The following MINPP1 variants were observed in gnomAD, a reference collection of about 807,000 sequenced individuals.
MINPP1 encodes multiple inositol polyphosphate phosphatase 1.
A neutral mutation model predicts 46.1 loss-of-function variants in MINPP1; 28 were observed. The ratio of observed to expected loss-of-function variants is 0.61; its 90% CI spans 0.45 to 0.83. The LOEUF (loss-of-function observed/expected upper bound fraction) is 0.83. Ranked by LOEUF, MINPP1 falls within the 40% of genes least tolerant of loss-of-function variation. The pLI is 0.00. For missense variants in MINPP1, 603 were observed against 610.0 expected (o/e 0.99, Z 0.12); for synonymous variants, 268 against 249.1 (o/e 1.08, Z -0.72).
intron 4 of MINPP1, among the ~76,000 whole-genome samples, chr10:87,529,301 C>T (rs1008984867): frequency 6.6e-6 from 1 of 152,144 alleles, no homozygotes; most frequent in African/African-American, 2.4e-5. Context: ...TTCTTCCTAG[C>T]CTCGATGGTC....
chr10:87,504,949 T>G lies in MINPP1; in HGVS notation c.34T>G (p.Ser12Ala), dbSNP rs747880842. The G allele has an allele frequency of 5.6e-6, 9 of 1,611,522 alleles. No individual in the cohort carries two copies. The highest frequency in any genetic ancestry group is 7.6e-6 in the Non-Finnish European group (9 of 1,179,420). Reference protein sequence around the residue: ...LRAPGCLLRTSVAPAAALAAA... With the variant: ...LRAPGCLLRTAVAPAAALAAA... ...CGCGCCCGGCTGCCTCCTCCGGACC[T>G]CCGTAGCGCCTGCCGCGGCCCTGGC... Residue 12 changes from serine to alanine, a missense_variant, in exon 1 of 5, where the codon TCC (serine) becomes GCC (alanine). Ser to Ala is a moderately conservative substitution (Grantham distance 99, BLOSUM62 1). This residue lies in a region of MINPP1 where 239 missense variants were observed against 189.4 expected (regional missense o/e 1.26). Coordinates refer to ENST00000371996, the MANE Select transcript of MINPP1 (RefSeq NM_004897.5).
intron 4 of MINPP1, among the ~76,000 whole-genome samples, chr10:87,540,333 T>C (rs571355478): frequency 6.6e-6 from 1 of 152,184 alleles, no homozygotes; most frequent in Non-Finnish European, 1.5e-5. Flanking sequence ...GCAAGAGGTT[T>C]TATATAAGAA....
Position 87,505,425 on chromosome 10 carries a change from C to T in MINPP1, c.510C>T (p.Ser170=), listed in dbSNP as rs1289961322. 1.2e-6 allele frequency: 2 copies of T among 1,613,708 alleles called. No homozygotes were observed. The highest frequency in any genetic ancestry group is 1.7e-6 in the Non-Finnish European group (2 of 1,179,834). Residue 170 remains serine, a synonymous_variant, in exon 1 of 5, where the codon AGC becomes AGT. Transcript: ENST00000371996. The surrounding 1 kb of genome is among the most constrained non-coding windows in gnomAD (Gnocchi z 4.4). ...RLASLFPALF[S]RENYGRLRLI... is the part of the protein sequence containing the mutation. The stretch of plus-strand genomic sequence containing the variant: ...CCTCGCTCTTCCCGGCCCTTTTCAG[C>T]CGTGAGAACTACGGCCGCCTGCGGC...
intron 4 of MINPP1, among the ~76,000 whole-genome samples, chr10:87,535,754 C>T (rs1851725633): frequency 6.6e-6 from 1 of 151,676 alleles, no homozygotes; most frequent in Non-Finnish European, 1.5e-5. Context: ...AGGGGTAATC[C>T]CTACCTCTAC....
intron 4 of MINPP1, among the ~76,000 whole-genome samples, chr10:87,534,587 A>G (rs914827236): frequency 5.9e-5 from 9 of 151,818 alleles, no homozygotes; most frequent in African/African-American, 1.9e-4. Flanking sequence ...TGTAAGAATC[A>G]CTCTTAAATC....
At chr10:87,520,057 A>AGTGTGTGTGTGTGT (rs141533495) in intron 3 of MINPP1, among the ~76,000 whole-genome samples, 51,027 of 147,210 alleles carry the variant, frequency 0.35, 9,975 homozygotes, top group Non-Finnish European at 0.47. Context: ...TAAAAGGTAT[A>AGTGTGTGTGTGTGT]GTGTGTGTGT....
chr10:87,517,590 A>G (rs528903824), intron 3 of MINPP1, among the ~76,000 whole-genome samples: 1 of 152,356 alleles, frequency 6.6e-6, no homozygotes, highest in South Asian at 2.1e-4. Context: ...TTTAATTTTC[A>G]TTACTGTATA....
At chr10:87,526,009 TA>T (rs1475243147) in intron 4 of MINPP1, among the ~76,000 whole-genome samples, 1 of 152,238 alleles carries the variant, frequency 6.6e-6, no homozygotes, top group Non-Finnish European at 1.5e-5. Context: ...AGTGCCGCAA[TA>T]AACATACATG....
intron 4 of MINPP1, among the ~76,000 whole-genome samples, chr10:87,522,923 A>G (rs1221968587): frequency 6.6e-6 from 1 of 152,180 alleles, no homozygotes; most frequent in African/African-American, 2.4e-5. Flanking sequence ...CACTGTCACA[A>G]TCCTTTGTTG....
rs768863610 is a variant in MINPP1 at position 87,552,090 on chromosome 10, C to G, written c.1076C>G (p.Pro359Arg). 1.1e-5 allele frequency: 17 copies of G among 1,611,542 alleles called. No homozygotes were observed. In the South Asian group the frequency reaches 1.8e-4, roughly 17 times the overall value. ...TTAATTTCTATTTGAAGGTCTCAGC[C>G]AATTTCTTCTCCAGTCATCCTCCAG... ...KAVEQKQRSQPISSPVILQFG... is the reference protein window; with the variant it reads ...KAVEQKQRSQRISSPVILQFG... The change falls in exon 5 of 5, where the codon CCA (proline) becomes CGA (arginine). Residue 359 changes from proline (P) to arginine (R), a missense_variant. Physicochemically the swap from Pro to Arg is moderately radical, Grantham distance 103 (BLOSUM62 -2). This residue lies in a region of MINPP1 where 344 missense variants were observed against 381.1 expected (regional missense o/e 0.90). Coordinates refer to ENST00000371996, the MANE Select transcript of MINPP1 (RefSeq NM_004897.5).
chr10:87,535,946 A>AAATT (rs1173223488), intron 4 of MINPP1, among the ~76,000 whole-genome samples: 2 of 152,008 alleles, frequency 1.3e-5, no homozygotes, highest in South Asian at 2.1e-4. Flanking sequence ...ATAAATAAAT[A>AAATT]AATTAAGATT....
chr10:87,522,728 A>C (rs1191823944), intron 4 of MINPP1, among the ~76,000 whole-genome samples: 2 of 152,282 alleles, frequency 1.3e-5, no homozygotes, highest in Non-Finnish European at 2.9e-5. Flanking sequence ...GTGGTTGCTG[A>C]AGGCTGGGGT....
At chr10:87,509,532 A>G (rs889795317) in intron 2 of MINPP1, among the ~76,000 whole-genome samples, 1 of 152,186 alleles carries the variant, frequency 6.6e-6, no homozygotes, top group Non-Finnish European at 1.5e-5. Context: ...TATACCCACA[A>G]CTTGGTTTTA....
At position 87,552,364 on chromosome 10, in the gene MINPP1, A is replaced by G. The variant is rs1244712155; in HGVS notation, c.1350A>G (p.Glu450=). 1 of 1,613,564 alleles carries G rather than the reference A, an allele frequency of 6.2e-7. No homozygotes were observed. Among genetic ancestry groups the G allele is most frequent in the African/African-American group, 1.3e-5 (1 of 74,902 alleles). Residue 450 remains glutamate, a synonymous_variant, in exon 5 of 5, where the codon GAA becomes GAG. Transcript: ENST00000371996. ...EKVLPLAYSQ[E]TVSFYEDLKN... is the part of the protein sequence containing the mutation. Reference sequence around the variant, plus strand: ...TGTTACCTTTGGCTTACTCACAAGAAACTGTTTCATTTTATGAAGATCTGA... The same window carrying G: ...TGTTACCTTTGGCTTACTCACAAGAGACTGTTTCATTTTATGAAGATCTGA...
At chr10:87,531,263 C>G (rs776042965) in intron 4 of MINPP1, among the ~76,000 whole-genome samples, 7 of 152,242 alleles carry the variant, frequency 4.6e-5, no homozygotes, top group Non-Finnish European at 7.3e-5. Flanking sequence ...GCAGAAATCA[C>G]CTGTCTTCTG....
chr10:87,508,653 T>A, intron 2 of MINPP1, 120 bp downstream of exon 2: 2 of 1,011,254 alleles, frequency 2.0e-6, no homozygotes, highest in African/African-American at 1.6e-5. Context: ...ATTAAGAAAA[T>A]AATATGTTCT....
intron 4 of MINPP1, among the ~76,000 whole-genome samples, chr10:87,548,482 G>A (rs1351519510): frequency 6.6e-6 from 1 of 152,122 alleles, no homozygotes; most frequent in African/African-American, 2.4e-5. Context: ...TTGCCCAGGG[G>A]CTTTTGTATG....
intron 4 of MINPP1, among the ~76,000 whole-genome samples, chr10:87,551,159 T>G (rs1409271248): frequency 6.6e-6 from 1 of 151,982 alleles, no homozygotes; most frequent in Admixed American, 6.6e-5. Flanking sequence ...CATGGGTTTT[T>G]GGATTTGCTA....
chr10:87,546,156 A>C (rs993787740), intron 4 of MINPP1, among the ~76,000 whole-genome samples: 1 of 152,266 alleles, frequency 6.6e-6, no homozygotes, highest in Non-Finnish European at 1.5e-5. Context: ...AAATAATAGC[A>C]TAAATTAATC....
Sources: gnomAD v4.1 joint callset for allele counts (sites outside exome capture counted in the v4.1 genomes callset) on GRCh38, gnomAD v4.1.1 for gene constraint, gnomAD v4.1.1 regional missense constraint, Gnocchi (gnomAD v3.1) non-coding constraint, MANE v1.5 for transcripts, NCBI Gene and HGNC (gene_info 2026-07-23, HGNC 2026-07-21) for gene names.